Variants in SBF2 observed in about 807,000 individuals in gnomAD.
SBF2 encodes the protein myotubularin-related protein 13.
In SBF2, 112 loss-of-function variants were observed where a neutral mutation model predicts 225.2. That is an observed-to-expected ratio of 0.50 (90% CI 0.43 to 0.58). SBF2 has a LOEUF of 0.58. Ranked by LOEUF, SBF2 falls within the 20% of genes least tolerant of loss-of-function variation. The probability of loss-of-function intolerance (pLI) is 0.00; values close to 1 mark genes in which losing one functional copy is unlikely to be tolerated. For missense variants in SBF2, 1,996 were observed against 2,206.2 expected (o/e 0.90, Z 1.91); for synonymous variants, 763 against 773.3 (o/e 0.99, Z 0.22).
intron 16 of SBF2, among the ~76,000 whole-genome samples, chr11:9,908,169 T>A (rs984640206): frequency 2.6e-5 from 4 of 152,096 alleles, no homozygotes; most frequent in Non-Finnish European, 4.4e-5. Flanking sequence ...AAAAACATAA[T>A]TGTTACAATT....
intron 17 of SBF2, among the ~76,000 whole-genome samples, chr11:9,882,551 G>A (rs1223592236): frequency 1.3e-5 from 2 of 152,260 alleles, no homozygotes; most frequent in Middle Eastern, 3.4e-3. Flanking sequence ...GCTCATGTCT[G>A]TAATCCCAGC....
chr11:9,924,746 T>G (rs376715355), intron 16 of SBF2, among the ~76,000 whole-genome samples: 9 of 151,374 alleles, frequency 5.9e-5, no homozygotes, highest in African/African-American at 1.5e-4. Context: ...TTTCTTATTT[T>G]TATTTATTTA....
intron 16 of SBF2, among the ~76,000 whole-genome samples, chr11:9,930,439 C>T (rs957597429): frequency 6.6e-6 from 1 of 152,068 alleles, no homozygotes; most frequent in South Asian, 2.1e-4. Flanking sequence ...GAGAAAAGAT[C>T]AGCAGTCACC....
chr11:10,255,025 A>C (rs1051225529), intron 1 of SBF2, among the ~76,000 whole-genome samples: 1 of 151,806 alleles, frequency 6.6e-6, no homozygotes, highest in African/African-American at 2.4e-5. Context: ...TCACTTATAC[A>C]TGGAATCTTA....
intron 16 of SBF2, among the ~76,000 whole-genome samples, chr11:9,899,080 T>C (rs1318544828): frequency 2.0e-5 from 3 of 150,816 alleles, no homozygotes; most frequent in African/African-American, 7.3e-5. Context: ...AACAAAAACA[T>C]GAGAAACTGA....
chr11:10,150,805 T>C (rs1009338857), intron 2 of SBF2, among the ~76,000 whole-genome samples: 1 of 150,518 alleles, frequency 6.6e-6, no homozygotes, highest in Non-Finnish European at 1.5e-5. Context: ...CATTTAGTTA[T>C]TTTTTTTTCC....
intron 33 of SBF2, among the ~76,000 whole-genome samples, chr11:9,794,699 A>AAAAAAAAAC (rs1564859829): frequency 6.8e-6 from 1 of 147,162 alleles, no homozygotes; most frequent in Non-Finnish European, 1.5e-5. Flanking sequence ...AAAAAAAAAA[A>AAAAAAAAAC]AAAAAAAAGA....
At chr11:10,017,344 G>A (rs1948695109) in intron 6 of SBF2, among the ~76,000 whole-genome samples, 1 of 152,154 alleles carries the variant, frequency 6.6e-6, no homozygotes, top group Admixed American at 6.5e-5. Flanking sequence ...AAAAAGCCCT[G>A]CACAATTTAT....
At chr11:10,194,462 C>T (rs1284063333) in intron 1 of SBF2, among the ~76,000 whole-genome samples, 1 of 152,162 alleles carries the variant, frequency 6.6e-6, no homozygotes, top group Non-Finnish European at 1.5e-5. Context: ...AACAAATCCC[C>T]TGCAAATACC....
chr11:9,913,212 T>C (rs1018765808), intron 16 of SBF2, among the ~76,000 whole-genome samples: 1 of 152,020 alleles, frequency 6.6e-6, no homozygotes, highest in Non-Finnish European at 1.5e-5. Context: ...TGAGTGGAGA[T>C]TGCAGTGGGC....
At chr11:9,859,577 T>C (rs761836615) in intron 17 of SBF2, among the ~76,000 whole-genome samples, 2 of 152,232 alleles carry the variant, frequency 1.3e-5, no homozygotes, top group Non-Finnish European at 2.9e-5. Flanking sequence ...GAACTAAAGT[T>C]TCTGATAAGT....
chr11:10,004,949 C>T (rs1948131494), intron 6 of SBF2, among the ~76,000 whole-genome samples: 2 of 152,170 alleles, frequency 1.3e-5, no homozygotes, highest in Non-Finnish European at 1.5e-5. Flanking sequence ...ACTGATGTCT[C>T]ACTGTTACAG....
intron 32 of SBF2, among the ~76,000 whole-genome samples, chr11:9,805,779 C>A (rs547396319): frequency 6.6e-6 from 1 of 152,144 alleles, no homozygotes; most frequent in African/African-American, 2.4e-5. Flanking sequence ...TGCGCCCCCA[C>A]GTCTGGCTGA....
intron 16 of SBF2, among the ~76,000 whole-genome samples, chr11:9,917,925 T>C (rs878978267): frequency 6.6e-6 from 1 of 151,552 alleles, no homozygotes; most frequent in African/African-American, 2.4e-5. Flanking sequence ...TCTTCCACAC[T>C]ATTTTGGTAA....
At chr11:9,979,530 G>A (rs898484135) in intron 13 of SBF2, among the ~76,000 whole-genome samples, 21 of 152,084 alleles carry the variant, frequency 1.4e-4, no homozygotes, top group African/African-American at 4.8e-4. Flanking sequence ...TCTTTTTTAA[G>A]TTTTAGTATA....
At chr11:9,791,654 T>A (rs1852749691) in intron 33 of SBF2, among the ~76,000 whole-genome samples, 1 of 152,214 alleles carries the variant, frequency 6.6e-6, no homozygotes, top group Non-Finnish European at 1.5e-5. Context: ...CCCGAGATAT[T>A]AGTTATTTTA....
chr11:10,167,993 C>A (rs1374874748), intron 2 of SBF2, among the ~76,000 whole-genome samples: 4 of 152,332 alleles, frequency 2.6e-5, no homozygotes, highest in Middle Eastern at 6.8e-3. Context: ...ACTCCAGCCT[C>A]TGCAACAGAG....
intron 16 of SBF2, among the ~76,000 whole-genome samples, chr11:9,939,533 G>A (rs540845607): frequency 9.2e-5 from 14 of 152,258 alleles, no homozygotes; most frequent in Admixed American, 4.6e-4. Flanking sequence ...TTTCATGGGT[G>A]AGGCCCTATT....
At position 10,158,601 on chromosome 11, in the gene SBF2, A is replaced by C. The variant is rs187835522; in HGVS notation, c.141+35301T>G. Among the ~76,000 whole-genome samples, 3 of 152,316 alleles carry C rather than the reference A, an allele frequency of 2.0e-5. No homozygotes were observed. In the East Asian group the frequency reaches 5.8e-4, roughly 29 times the overall value. ...ATGTATCAATTCCTAGAAACATAAA[A>C]CCTACTAACACTGAATCATGAAGAA... On this transcript the variant is annotated intron_variant, in intron 2 of 39. Transcript: ENST00000256190.
Sources: allele counts gnomAD v4.1 joint callset (sites outside exome capture counted in the v4.1 genomes callset), GRCh38; gene constraint gnomAD v4.1.1; transcripts MANE v1.5; gene names NCBI Gene and HGNC (gene_info 2026-07-23, HGNC 2026-07-21).